The following LCAT variants were observed in gnomAD, a reference collection of about 807,000 sequenced individuals.
The protein encoded by LCAT is lecithin-cholesterol acyltransferase, also known as phosphatidylcholine-sterol acyltransferase.
Under a neutral mutation model 41.0 loss-of-function variants are expected in LCAT, and 15 were observed. The ratio of observed to expected loss-of-function variants is 0.37; its 90% CI spans 0.24 to 0.56. LCAT has a LOEUF of 0.56. Ranked by LOEUF, LCAT falls within the 20% of genes least tolerant of loss-of-function variation. The probability of loss-of-function intolerance (pLI) is 0.81; values close to 1 mark genes in which losing one functional copy is unlikely to be tolerated. For missense variants in LCAT, 449 were observed against 595.1 expected (o/e 0.75, Z 2.55); for synonymous variants, 248 against 245.4 (o/e 1.01, Z -0.10).
chr16:67,941,832 G>A, intron 5 of LCAT: 1 of 1,046,286 alleles, frequency 9.6e-7, no homozygotes, highest in East Asian at 7.7e-5. Flanking sequence ...ATGTTTATTG[G>A]TGGTGTCTGA....
intron 5 of LCAT, chr16:67,941,755 G>C: frequency 9.9e-7 from 1 of 1,009,394 alleles, no homozygotes; most frequent in Non-Finnish European, 1.2e-6. Flanking sequence ...TCCTTGTGTG[G>C]CTTATGCAGC....
Position 67,943,072 on chromosome 16 carries a change from A to T in LCAT, c.295T>A (p.Trp99Arg). The T allele has an allele frequency of 6.2e-7, 1 of 1,614,034 alleles. No individual in the cohort carries two copies. Among genetic ancestry groups the T allele is most frequent in the East Asian group, 2.2e-5 (1 of 44,894 alleles). Residue 99 changes from tryptophan (W) to arginine (R), a missense_variant, in exon 2 of 6, where the codon TGG becomes AGG. Coordinates refer to ENST00000264005, the MANE Select transcript of LCAT (RefSeq NM_000229.2). This position sits in a 1 kb window ranked among gnomAD's most constrained non-coding sequence, Gnocchi z 4.6. ...NMFLPLGVDC[W>R]IDNTRVVYNR... The stretch of plus-strand genomic sequence containing the variant: ...TGGCTGTACCTGGTGTTATCGATCC[A>T]GCAGTCTACCCCAAGGGGTAGGAAC...
intron 5 of LCAT, chr16:67,941,928 C>T (rs2058293521): frequency 1.1e-5 from 13 of 1,159,726 alleles, no homozygotes; most frequent in Non-Finnish European, 1.4e-5. Flanking sequence ...GTAGCTGTGT[C>T]AGTGCTGGGC....
chr16:67,943,088 G>A lies in LCAT; in HGVS notation c.279C>T (p.Pro93=), dbSNP rs759510870. 1 of 1,613,982 alleles carries A rather than the reference G, an allele frequency of 6.2e-7. No homozygotes were observed. Among genetic ancestry groups the A allele is most frequent in the East Asian group, 2.2e-5 (1 of 44,882 alleles). Reference sequence around the variant, plus strand: ...TATCGATCCAGCAGTCTACCCCAAGGGGTAGGAACATGTTGAGATCCAGCC... The same window carrying A: ...TATCGATCCAGCAGTCTACCCCAAGAGGTAGGAACATGTTGAGATCCAGCC... ...TIWLDLNMFL[P]LGVDCWIDNT... The change falls in exon 2 of 6, where the codon CCC becomes CCT. Residue 93 remains proline, a synonymous_variant. Transcript: ENST00000264005. The surrounding 1 kb of genome is among the most constrained non-coding windows in gnomAD (Gnocchi z 4.6).
chr16:67,944,092 G>A lies in LCAT; in HGVS notation c.10C>T (p.Pro4Ser), dbSNP rs1323619408. 6.5e-7 allele frequency: 1 copy of A among 1,547,772 alleles called. No homozygotes were observed. The highest frequency in any genetic ancestry group is 2.0e-5 in the Admixed American group (1 of 50,960). MGPPGSPWQWVTLL... is the reference protein window; with the variant it reads MGPSGSPWQWVTLL... ...GTCACCCACTGCCATGGGGAGCCGG[G>A]CGGCCCCATTCCAGCCCTGGTGCCT... Residue 4 changes from proline to serine, a missense_variant, in exon 1 of 6, where the codon CCC becomes TCC. Coordinates refer to ENST00000264005, the MANE Select transcript of LCAT (RefSeq NM_000229.2). The surrounding 1 kb of genome is among the most constrained non-coding windows in gnomAD (Gnocchi z 6.6).
rs1330635214 is a variant in LCAT at position 67,940,215 on chromosome 16, G to A, written c.1012C>T (p.Leu338Phe). The change falls in exon 6 of 6, where the codon CTT becomes TTT. Residue 338 changes from leucine to phenylalanine, a missense_variant. Physicochemically the swap from Leu to Phe is conservative, Grantham distance 22 (BLOSUM62 0). Coordinates refer to ENST00000264005, the MANE Select transcript of LCAT (RefSeq NM_000229.2). Reference protein sequence around the residue: ...LPAPGVEVYCLYGVGLPTPRT... With the variant: ...LPAPGVEVYCFYGVGLPTPRT... ...GGCGTGGGCAGGCCCACGCCGTAAA[G>A]ACAGTATACTTCCACACCAGGTGCT... 3 of 1,613,148 alleles carry A rather than the reference G, an allele frequency of 1.9e-6. No individual in the cohort carries two copies. The highest frequency in any genetic ancestry group is 2.5e-6 in the Non-Finnish European group (3 of 1,180,022).
intron 5 of LCAT, chr16:67,941,632 T>C (rs1216135193): frequency 2.0e-6 from 2 of 983,712 alleles, no homozygotes; most frequent in African/African-American, 3.5e-5. Context: ...AAAAAAAAAG[T>C]AGGCGGGGCT....
At chr16:67,940,606 A>T in intron 5 of LCAT, 128 bp from the exon 6 acceptor site, 1 of 1,458,352 alleles carries the variant, frequency 6.9e-7, no homozygotes, top group Non-Finnish European at 9.2e-7. Flanking sequence ...ACTCTAAGCC[A>T]CAGGCTTGAG....
chr16:67,943,008 T>C lies in LCAT; in HGVS notation c.312-32A>G, dbSNP rs746464266. 3.1e-6 allele frequency: 5 copies of C among 1,613,768 alleles called. No individual in the cohort carries two copies. Among genetic ancestry groups the C allele is most frequent in the Non-Finnish European group, 3.4e-6 (4 of 1,179,856 alleles). On this transcript the variant is annotated intron_variant, in intron 2 of 5. Transcript: ENST00000264005. This position sits in a 1 kb window ranked among gnomAD's most constrained non-coding sequence, Gnocchi z 4.6. ...GGCGGGGGTGCCACTCAGCAGCCAG[T>C]AGCCAAGGGGCAGCGTGTTGGGGCT...
rs1259717848 is a variant in LCAT at position 67,942,574 on chromosome 16, C to T, written c.537G>A (p.Glu179=). 5 of 1,613,362 alleles carry T rather than the reference C, an allele frequency of 3.1e-6. No homozygotes were observed. In the Admixed American group the frequency reaches 5.0e-5, roughly 16 times the overall value. The change falls in exon 5 of 6, where the codon GAG becomes GAA. Residue 179 remains glutamate, a synonymous_variant. Transcript: ENST00000264005. This position sits in a 1 kb window ranked among gnomAD's most constrained non-coding sequence, Gnocchi z 6.6. Reference sequence around the variant, plus strand: ...CCAGCCCTGCGAGCTTGCGGTAGTACTCCTCCTGCTGGCCTGCAGCGGGTG... The same window carrying T: ...CCAGCCCTGCGAGCTTGCGGTAGTATTCCTCCTGCTGGCCTGCAGCGGGTG... ...DWRLEPGQQE[E]YYRKLAGLVE...
chr16:67,942,591 C>A lies in LCAT; in HGVS notation c.524-4G>T. ...CGGTAGTACTCCTCCTGCTGGCCTG[C>A]AGCGGGTGGAAGGGGTCAGGGCAGC... is the stretch of plus-strand genomic sequence containing the variant. On this transcript the variant is annotated splice_polypyrimidine_tract_variant and splice_region_variant and intron_variant, in intron 4 of 5. Transcript: ENST00000264005. This position sits in a 1 kb window ranked among gnomAD's most constrained non-coding sequence, Gnocchi z 6.6. 6.2e-7 allele frequency: 1 copy of A among 1,613,250 alleles called. No individual in the cohort carries two copies.
rs1297869811 is a variant in LCAT at position 67,943,367 on chromosome 16, T to C, written c.155-155A>G. On this transcript the variant is annotated intron_variant, in intron 1 of 5. Transcript: ENST00000264005. The surrounding 1 kb of genome is among the most constrained non-coding windows in gnomAD (Gnocchi z 4.6). ...CTTACCCTCCCCTGCTTACACCCCCTCTCCCTGCTGTCCCCCCAGTAGCCA... is the reference window on the plus strand; with the variant it reads ...CTTACCCTCCCCTGCTTACACCCCCCCTCCCTGCTGTCCCCCCAGTAGCCA... 3.3e-6 allele frequency: 2 copies of C among 602,702 alleles called. No individual in the cohort carries two copies. The highest frequency in any genetic ancestry group is 5.8e-6 in the Non-Finnish European group (2 of 344,580). The allele number at this position is 602,702 out of a possible 1,614,324, so 37.3% of individuals were successfully genotyped here. A position where few individuals can be genotyped will look rare whatever the true frequency, so the allele number is the denominator to read the frequency against.
At position 67,942,435 on chromosome 16, in the gene LCAT, AG is replaced by A; in HGVS notation, c.675del (p.Phe226LeufsTer38). 6.2e-7 allele frequency: 1 copy of A among 1,614,028 alleles called. No individual in the cohort carries two copies. The highest frequency in any genetic ancestry group is 8.5e-7 in the Non-Finnish European group (1 of 1,180,004). ...CCAAGAGAGATGAAGCCATCAATAA[AG>A]CGGTCCTTCCAGGCCTGGGGCTGGC... Reference protein sequence around the residue: ...LLRQPQAWKDRFIDGFISLGA... With the variant: ...LLRQPQAWKDXFIDGFISLGA... On this transcript the variant is annotated frameshift_variant, in exon 5 of 6. Transcript: ENST00000264005. LOFTEE classifies it high-confidence loss of function. The surrounding 1 kb of genome is among the most constrained non-coding windows in gnomAD (Gnocchi z 6.6).
intron 5 of LCAT, chr16:67,941,870 T>C (rs1470609229): frequency 3.5e-5 from 38 of 1,090,086 alleles, no homozygotes; most frequent in Non-Finnish European, 4.0e-5. Context: ...CAGACTGTGT[T>C]TCTCTCTCCA....
At chr16:67,940,588 A>G (rs1046966465) in intron 5 of LCAT, 110 bp from the exon 6 acceptor site, 1 of 1,519,258 alleles carries the variant, frequency 6.6e-7, no homozygotes, top group Non-Finnish European at 8.9e-7. Flanking sequence ...TGCCCAATCT[A>G]GACACAGACT....
In LCAT at chr16:67,943,014, A is replaced by G; in HGVS notation, c.312-38T>C. ...GGTGCCACTCAGCAGCCAGTAGCCA[A>G]GGGGCAGCGTGTTGGGGCTAGGGTG... On this transcript the variant is annotated intron_variant, in intron 2 of 5. Transcript: ENST00000264005. This position sits in a 1 kb window ranked among gnomAD's most constrained non-coding sequence, Gnocchi z 4.6. The G allele has an allele frequency of 6.2e-7, 1 of 1,613,822 alleles. No homozygotes were observed. The highest frequency in any genetic ancestry group is 8.5e-7 in the Non-Finnish European group (1 of 1,179,878).
rs765520037 is a variant in LCAT at position 67,940,089 on chromosome 16, A to G, written c.1138T>C (p.Cys380Arg). Reference sequence around the variant, plus strand: ...GGCTGGCGGCCCTGCCACAGGCCACAGAGCTCGGTGCTGCGGGTCGCCACC... The same window carrying G: ...GGCTGGCGGCCCTGCCACAGGCCACGGAGCTCGGTGCTGCGGGTCGCCACC... ...DTVATRSTELCGLWQGRQPQP... is the reference protein window; with the variant it reads ...DTVATRSTELRGLWQGRQPQP... The change falls in exon 6 of 6, where the codon TGT becomes CGT. Residue 380 changes from cysteine (C) to arginine (R), a missense_variant. Transcript: ENST00000264005. 1 of 1,613,188 alleles carries G rather than the reference A, an allele frequency of 6.2e-7. No homozygotes were observed. The highest frequency in any genetic ancestry group is 8.5e-7 in the Non-Finnish European group (1 of 1,180,024).
At chr16:67,940,638 C>G (rs2058286841) in intron 5 of LCAT, 160 bp from the exon 6 acceptor site, 2 of 1,235,094 alleles carry the variant, frequency 1.6e-6, no homozygotes, top group Non-Finnish European at 2.2e-6. Flanking sequence ...TTCAATGATG[C>G]TCAGTGTCAG....
In LCAT at chr16:67,942,772, G is replaced by A; in HGVS notation, c.428-6C>T. Reference sequence around the variant, plus strand: ...CACCAGTGTGTGCAGGTACCCTGTGGGGGGACCAGCAGCACCGGGGGCTTG... The same window carrying A: ...CACCAGTGTGTGCAGGTACCCTGTGAGGGGACCAGCAGCACCGGGGGCTTG... On this transcript the variant is annotated splice_polypyrimidine_tract_variant and splice_region_variant and intron_variant, in intron 3 of 5. Coordinates refer to ENST00000264005, the MANE Select transcript of LCAT (RefSeq NM_000229.2). This position sits in a 1 kb window ranked among gnomAD's most constrained non-coding sequence, Gnocchi z 6.6. 6.2e-7 allele frequency: 1 copy of A among 1,612,778 alleles called. No homozygotes were observed. The highest frequency in any genetic ancestry group is 8.5e-7 in the Non-Finnish European group (1 of 1,179,788).
Sources: allele counts gnomAD v4.1 joint callset, GRCh38; gene constraint gnomAD v4.1.1; non-coding constraint Gnocchi (gnomAD v3.1); transcripts MANE v1.5; gene names NCBI Gene and HGNC (gene_info 2026-07-23, HGNC 2026-07-21).